ITFG1: variants seen among roughly 807,000 people sequenced by gnomAD.
The protein encoded by ITFG1 is integrin alpha FG-GAP repeat containing 1, also known as T-cell immunomodulatory protein.
In ITFG1, 34 loss-of-function variants were observed where a neutral mutation model predicts 81.8. The ratio of observed to expected loss-of-function variants is 0.42; its 90% confidence interval spans 0.32 to 0.55. The LOEUF (loss-of-function observed/expected upper bound fraction) is 0.55. ITFG1 is among the 20% of genes least tolerant of loss of function. ITFG1 has a pLI of 0.17. For synonymous variants in ITFG1, 285 were observed against 270.6 expected, an observed-to-expected ratio of 1.05 and a Z score of -0.52; for missense variants, 672 against 755.4, an observed-to-expected ratio of 0.89 and a Z score of 1.29.
At chr16:47,316,398 C>A (rs1446853829) in intron 8 of ITFG1, among the ~76,000 whole-genome samples, 2 of 152,118 alleles carry the variant, frequency 1.3e-5, no homozygotes, top group Non-Finnish European at 2.9e-5. Context: ...TTTTTCGGAA[C>A]CATGTATATA....
chr16:47,190,381 T>C (rs1304935953), intron 14 of ITFG1, among the ~76,000 whole-genome samples: 1 of 152,188 alleles, frequency 6.6e-6, no homozygotes, highest in Non-Finnish European at 1.5e-5. Context: ...TTAGACTAGG[T>C]AGCTATTATT....
At chr16:47,184,917 T>TA (rs1965190132) in intron 14 of ITFG1, among the ~76,000 whole-genome samples, 2 of 151,302 alleles carry the variant, frequency 1.3e-5, no homozygotes, top group Admixed American at 1.3e-4. Context: ...AGGCTCAAAA[T>TA]AAAAGGATGG....
At chr16:47,456,034 C>T (rs1294110217) in intron 2 of ITFG1, among the ~76,000 whole-genome samples, 1 of 151,938 alleles carries the variant, frequency 6.6e-6, no homozygotes, top group African/African-American at 2.4e-5. Flanking sequence ...CTTGAAAGGG[C>T]CCACATAATG....
At chr16:47,246,525 C>G (rs1222899093) in intron 12 of ITFG1, among the ~76,000 whole-genome samples, 1 of 152,158 alleles carries the variant, frequency 6.6e-6, no homozygotes, top group Non-Finnish European at 1.5e-5. Flanking sequence ...TCTGAACTCT[C>G]TACATAATAT....
At chr16:47,437,234 G>A (rs1969178390) in intron 5 of ITFG1, among the ~76,000 whole-genome samples, 1 of 152,168 alleles carries the variant, frequency 6.6e-6, no homozygotes, top group Admixed American at 6.5e-5. Flanking sequence ...AGGAGGCTGA[G>A]GTGGGAGGAT....
intron 12 of ITFG1, among the ~76,000 whole-genome samples, chr16:47,254,721 A>G (rs888402293): frequency 2.0e-5 from 3 of 152,226 alleles, no homozygotes; most frequent in Non-Finnish European, 2.9e-5. Context: ...CTTGCACTTG[A>G]AATTTTCCTT....
Position 47,454,331 on chromosome 16 carries a change from T to C in ITFG1, c.282-173A>G, listed in dbSNP as rs1171553590. ...ATCATGTATTTAGACCTCTTTGGTC[T>C]AAAAAAGAGTTCAGAATGAATGCAG... On this transcript the variant is annotated intron_variant, in intron 2 of 17. Transcript: ENST00000320640. Among the ~76,000 whole-genome samples the C allele has an allele frequency of 3.2e-4, 49 of 152,170 alleles. 1 individual carries two copies. Among genetic ancestry groups the C allele is most frequent in the Admixed American group, 3.2e-3 (49 of 15,278 alleles).
intron 5 of ITFG1, among the ~76,000 whole-genome samples, chr16:47,433,085 G>A (rs970729247): frequency 5.9e-5 from 9 of 152,128 alleles, no homozygotes; most frequent in Non-Finnish European, 2.9e-5. Context: ...TTTTTTAGTA[G>A]GCTAACTCTG....
rs370380450 is a variant in ITFG1 at position 47,451,245 on chromosome 16, C to T, written c.560+151G>A. Reference sequence around the variant, plus strand: ...CTTGGAAAGCAGGTGCAGGCCAAATCCAAACTATTTGAGAAAGCTTATATA... The same window carrying T: ...CTTGGAAAGCAGGTGCAGGCCAAATTCAAACTATTTGAGAAAGCTTATATA... On this transcript the variant is annotated intron_variant, in intron 5 of 17. Coordinates refer to ENST00000320640, the MANE Select transcript of ITFG1 (RefSeq NM_030790.5). 2.4e-4 allele frequency: 112 copies of T among 459,434 alleles called. 3 individuals carry two copies. In the South Asian group the frequency reaches 4.5e-3, roughly 19 times the overall value. The allele number at this position is 459,434 out of a possible 1,614,324, so 28.5% of individuals were successfully genotyped here. A position where few individuals can be genotyped will look rare whatever the true frequency, so the allele number is the denominator to read the frequency against.
intron 13 of ITFG1, among the ~76,000 whole-genome samples, chr16:47,237,270 G>C (rs1965887598): frequency 6.6e-6 from 1 of 152,194 alleles, no homozygotes; most frequent in South Asian, 2.1e-4. Context: ...AGAACACCTA[G>C]TTTGTATTGC....
At chr16:47,460,689 A>T in intron 1 of ITFG1, 149 bp downstream of exon 1, 2 of 840,658 alleles carry the variant, frequency 2.4e-6, no homozygotes, top group Non-Finnish European at 3.8e-6. Flanking sequence ...GCAAAAGGAC[A>T]AGCTGTTAAG....
At chr16:47,243,612 A>G (rs569974771) in intron 12 of ITFG1, among the ~76,000 whole-genome samples, 1 of 152,362 alleles carries the variant, frequency 6.6e-6, no homozygotes, top group South Asian at 2.1e-4. Context: ...TGGAACATAT[A>G]TAACATTATG....
In ITFG1 at chr16:47,180,555, G is replaced by A. The variant is rs865793217; in HGVS notation, c.1454-17891C>T. Among the ~76,000 whole-genome samples the A allele has an allele frequency of 7.9e-5, 12 of 152,160 alleles. No individual in the cohort carries two copies. The East Asian group carries it at 1.4e-3, about 17-fold the overall frequency. On this transcript the variant is annotated intron_variant, in intron 14 of 17. Coordinates refer to ENST00000320640, the MANE Select transcript of ITFG1 (RefSeq NM_030790.5). ...GCGCCGCCACGCCTGACTGTTTTTC[G>A]TATTTTTTTGGTGGAGATGGGGTTT...
chr16:47,231,459 T>A (rs1965815799), intron 13 of ITFG1, among the ~76,000 whole-genome samples: 1 of 152,362 alleles, frequency 6.6e-6, no homozygotes, highest in South Asian at 2.1e-4. Context: ...CAGATATTTA[T>A]GATAGCACCA....
At chr16:47,304,085 CCTTTGGGATTT>C (rs1967120597) in intron 10 of ITFG1, among the ~76,000 whole-genome samples, 1 of 152,018 alleles carries the variant, frequency 6.6e-6, no homozygotes, top group Admixed American at 6.6e-5. Context: ...AATAAACAAC[CCTTTGGGATTT>C]ATAGTTGTAG....
intron 14 of ITFG1, among the ~76,000 whole-genome samples, chr16:47,179,684 G>A (rs1965078740): frequency 6.6e-6 from 1 of 152,160 alleles, no homozygotes; most frequent in Non-Finnish European, 1.5e-5. Context: ...CATAATCCAT[G>A]AGAGAAGTGG....
chr16:47,426,333 T>C (rs1310816486), intron 6 of ITFG1: 1 of 151,840 alleles, frequency 6.6e-6, no homozygotes, highest in Non-Finnish European at 1.5e-5. Flanking sequence ...TAAAGCTTCA[T>C]TAAGATAGAT....
At chr16:47,244,813 T>C (rs1205589510) in intron 12 of ITFG1, among the ~76,000 whole-genome samples, 2 of 152,008 alleles carry the variant, frequency 1.3e-5, no homozygotes, top group African/African-American at 2.4e-5. Context: ...TCCTAATAAG[T>C]GAGCTTGCTG....
chr16:47,206,453 A>G (rs1325006598), intron 14 of ITFG1, among the ~76,000 whole-genome samples: 1 of 152,166 alleles, frequency 6.6e-6, no homozygotes, highest in Non-Finnish European at 1.5e-5. Context: ...AGTTGGGCAA[A>G]CCTGACCACT....
Sources: gnomAD v4.1 joint callset for allele counts (sites outside exome capture counted in the v4.1 genomes callset) on GRCh38, gnomAD v4.1.1 for gene constraint, MANE v1.5 for transcripts, NCBI Gene and HGNC (gene_info 2026-07-23, HGNC 2026-07-21) for gene names.